MTHFS: variants seen among roughly 807,000 people sequenced by gnomAD.
MTHFS encodes methenyltetrahydrofolate synthetase, also known as 5-formyltetrahydrofolate cyclo-ligase.
MTHFS carries 7 observed loss-of-function variants against 12.7 expected under a neutral mutation model. That is an observed-to-expected ratio of 0.55 (90% CI 0.31 to 1.03). MTHFS has a LOEUF of 1.03. MTHFS is among the 50% of genes least tolerant of loss of function. The pLI, the probability that MTHFS is intolerant of heterozygous loss-of-function variation, is 0.05. For missense variants in MTHFS, 252 were observed against 258.1 expected, an observed-to-expected ratio of 0.98 and a Z score of 0.16; for synonymous variants, 100 against 97.1, an observed-to-expected ratio of 1.03 and a Z score of -0.18.
intron 2 of MTHFS, among the ~76,000 whole-genome samples, chr15:79,888,133 T>C (rs1284527824): frequency 6.6e-6 from 1 of 152,172 alleles, no homozygotes; most frequent in Non-Finnish European, 1.5e-5. Context: ...TTTGCTTTCA[T>C]CTCTTTACCT....
intron 2 of MTHFS, among the ~76,000 whole-genome samples, chr15:79,869,869 T>C (rs544092415): frequency 6.6e-6 from 1 of 152,216 alleles, no homozygotes; most frequent in African/African-American, 2.4e-5. Context: ...ACCCAAATGA[T>C]TTTGAAAGTG....
At chr15:79,854,414 G>A (rs1336591724) in intron 2 of MTHFS, among the ~76,000 whole-genome samples, 6 of 152,314 alleles carry the variant, frequency 3.9e-5, no homozygotes, top group Non-Finnish European at 7.3e-5. Context: ...CACTGGGGGC[G>A]AGGGGTAACA....
In MTHFS at chr15:79,896,793, T is replaced by G. The variant is rs759206657; in HGVS notation, c.117+79A>C. The stretch of plus-strand genomic sequence containing the variant: ...CCTAGCCCAGCGCCAGCACGGACCA[T>G]GCACAGATCAGCAATCGCTGGCCGC... On this transcript the variant is annotated intron_variant, in intron 1 of 2. Transcript: ENST00000258874. 7 of 1,402,846 alleles carry G rather than the reference T, an allele frequency of 5.0e-6. No homozygotes were observed. The East Asian group carries it at 2.0e-4, about 39-fold the overall frequency. The allele number at this position is 1,402,846 out of a possible 1,614,324, so 86.9% of individuals were successfully genotyped here.
intron 2 of MTHFS, among the ~76,000 whole-genome samples, chr15:79,885,612 C>T (rs760153902): frequency 2.6e-5 from 4 of 152,206 alleles, no homozygotes; most frequent in South Asian, 4.1e-4. Flanking sequence ...GGGACAGGCA[C>T]GTAAGACCCA....
At chr15:79,863,288 G>A (rs2033949596) in intron 2 of MTHFS, among the ~76,000 whole-genome samples, 1 of 152,170 alleles carries the variant, frequency 6.6e-6, no homozygotes, top group East Asian at 1.9e-4. Flanking sequence ...GGGACAGCCT[G>A]TCCTCCTTAT....
intron 2 of MTHFS, among the ~76,000 whole-genome samples, chr15:79,857,312 T>C (rs866397699): frequency 2.0e-4 from 30 of 152,242 alleles, no homozygotes; most frequent in Middle Eastern, 6.8e-3. Context: ...TATTCTTAAT[T>C]AATTATTGCA....
intron 2 of MTHFS, among the ~76,000 whole-genome samples, chr15:79,859,034 A>G (rs1415077827): frequency 6.6e-6 from 1 of 152,244 alleles, no homozygotes; most frequent in Non-Finnish European, 1.5e-5. Context: ...TGCAGTAACA[A>G]CATGACTAGA....
chr15:79,864,205 C>A (rs747912666), intron 2 of MTHFS, among the ~76,000 whole-genome samples: 2 of 152,140 alleles, frequency 1.3e-5, no homozygotes, highest in African/African-American at 2.4e-5. Context: ...ACTTAGTAGA[C>A]AAAGGGTAGC....
chr15:79,860,850 T>C (rs1246293388), intron 2 of MTHFS, among the ~76,000 whole-genome samples: 4 of 152,206 alleles, frequency 2.6e-5, no homozygotes, highest in Non-Finnish European at 5.9e-5. Context: ...GAGAGACTTA[T>C]TAAAAGGGGT....
intron 2 of MTHFS, among the ~76,000 whole-genome samples, chr15:79,888,022 T>C (rs535747355): frequency 2.0e-4 from 31 of 152,320 alleles, no homozygotes; most frequent in African/African-American, 7.5e-4. Flanking sequence ...TGCATAAAGT[T>C]GTGCTAGGGC....
intron 2 of MTHFS, among the ~76,000 whole-genome samples, chr15:79,850,732 T>C (rs936310481): frequency 2.0e-5 from 3 of 152,028 alleles, no homozygotes; most frequent in African/African-American, 7.2e-5. Context: ...GCAAGGATAA[T>C]ATAAGTGGAG....
At chr15:79,886,042 C>A (rs554272123) in intron 2 of MTHFS, among the ~76,000 whole-genome samples, 1 of 152,286 alleles carries the variant, frequency 6.6e-6, no homozygotes, top group East Asian at 1.9e-4. Flanking sequence ...AGAATCCGAC[C>A]CTCGATTTCA....
intron 1 of MTHFS, 105 bp from the exon 2 acceptor site, chr15:79,889,459 T>TAAAAATA: frequency 4.1e-5 from 30 of 739,644 alleles, no homozygotes; most frequent in East Asian, 1.3e-4. Flanking sequence ...CTTTAAATAT[T>TAAAAATA]AAAAAGAAAA....
chr15:79,878,869 T>TC (rs1279540216), intron 2 of MTHFS, among the ~76,000 whole-genome samples: 1 of 151,250 alleles, frequency 6.6e-6, no homozygotes, highest in African/African-American at 2.4e-5. Flanking sequence ...CCCTTTTTTT[T>TC]TTTCTTTCTT....
At chr15:79,850,238 C>A (rs1343885459) in intron 2 of MTHFS, among the ~76,000 whole-genome samples, 1 of 152,176 alleles carries the variant, frequency 6.6e-6, no homozygotes, top group Non-Finnish European at 1.5e-5. Flanking sequence ...TATAGTTTCT[C>A]CAATATTTCA....
intron 2 of MTHFS, among the ~76,000 whole-genome samples, chr15:79,854,041 G>A: frequency 6.6e-6 from 1 of 152,238 alleles, no homozygotes; most frequent in East Asian, 1.9e-4. Context: ...GAATGTGAAT[G>A]GTAGTGTAGC....
intron 2 of MTHFS, among the ~76,000 whole-genome samples, chr15:79,888,716 T>G (rs1405798411): frequency 6.6e-6 from 1 of 152,212 alleles, no homozygotes; most frequent in African/African-American, 2.4e-5. Context: ...GGTGGTGCCA[T>G]GTACTGAGAT....
At position 79,847,481 on chromosome 15, in the gene MTHFS, G is replaced by A. The variant is rs755823804; in HGVS notation, c.380-2039C>T. ...GGGCGGATCATGAGGTCAGAAGACA[G>A]AGATCATCCTGGCTAACATGGTGAA... is the stretch of plus-strand genomic sequence containing the variant. On this transcript the variant is annotated intron_variant, in intron 2 of 2. Transcript: ENST00000258874. Among the ~76,000 whole-genome samples, 332 of 152,054 alleles carry A rather than the reference G, an allele frequency of 2.2e-3. 2 individuals carry two copies. Among genetic ancestry groups the A allele is most frequent in the Non-Finnish European group, 2.4e-3 (160 of 67,994 alleles).
In MTHFS at chr15:79,843,902, C is replaced by T. The variant is rs1472561272; in HGVS notation, c.*1308G>A. 6.6e-6 allele frequency: 1 copy of T among 152,176 alleles called. No individual in the cohort carries two copies. The highest frequency in any genetic ancestry group is 1.5e-5 in the Non-Finnish European group (1 of 68,004). 9.4% of individuals were successfully genotyped at this position (152,176 alleles called of 1,614,324 possible). The stretch of plus-strand genomic sequence containing the variant: ...AGAAGACTTCACAGAAGAGGTGATG[C>T]TAGGGCTGAGTCTTCAAGGGAAAAC... On this transcript the variant is annotated 3_prime_UTR_variant, in exon 3 of 3. Coordinates refer to ENST00000258874, the MANE Select transcript of MTHFS (RefSeq NM_006441.4).
Sources: gnomAD v4.1 joint callset for allele counts (sites outside exome capture counted in the v4.1 genomes callset) on GRCh38, gnomAD v4.1.1 for gene constraint, MANE v1.5 for transcripts, NCBI Gene and HGNC (gene_info 2026-07-23, HGNC 2026-07-21) for gene names.